MTA3: variants seen among roughly 807,000 people sequenced by gnomAD.
The protein encoded by MTA3 is metastasis associated 1 family member 3.
Under a neutral mutation model 83.5 loss-of-function variants are expected in MTA3, and 34 were observed. That is an observed-to-expected ratio of 0.41 (90% CI 0.31 to 0.54). The LOEUF is 0.54. Ranked by LOEUF, MTA3 falls within the 20% of genes least tolerant of loss-of-function variation. The probability of loss-of-function intolerance (pLI) is 0.33; values close to 1 mark genes in which losing one functional copy is unlikely to be tolerated. For synonymous variants in MTA3, 303 were observed against 252.7 expected (o/e 1.20, Z -1.89); for missense variants, 761 against 726.4 (o/e 1.05, Z -0.55).
intron 6 of MTA3, among the ~76,000 whole-genome samples, chr2:42,655,440 G>A (rs1253212627): frequency 6.6e-6 from 1 of 152,150 alleles, no homozygotes; most frequent in Non-Finnish European, 1.5e-5. Context: ...GTTCTTAGCA[G>A]AAGTGCCATC....
intron 4 of MTA3, among the ~76,000 whole-genome samples, chr2:42,625,946 CTTT>C (rs540658051): frequency 7.8e-6 from 1 of 128,992 alleles, no homozygotes; most frequent in Non-Finnish European, 1.7e-5. Flanking sequence ...TTTTTTTTTT[CTTT>C]TTTTTTTTTT....
intron 12 of MTA3, among the ~76,000 whole-genome samples, chr2:42,705,755 C>A (rs1021951197): frequency 6.6e-6 from 1 of 152,044 alleles, no homozygotes; most frequent in Non-Finnish European, 1.5e-5. Context: ...TTCACACTCA[C>A]GTATATCCCC....
intron 5 of MTA3, among the ~76,000 whole-genome samples, chr2:42,643,044 C>CA (rs1263906966): frequency 7.0e-6 from 1 of 143,532 alleles, no homozygotes; most frequent in East Asian, 2.2e-4. Context: ...TCCCCCCCCC[C>CA]CCTTTTTTTT....
At chr2:42,500,941 G>A (rs543105777) in intron 2 of MTA3, among the ~76,000 whole-genome samples, 1 of 151,830 alleles carries the variant, frequency 6.6e-6, no homozygotes, top group African/African-American at 2.4e-5. Flanking sequence ...CTCCCGAGTA[G>A]CTGGGACTGC....
intron 16 of MTA3, among the ~76,000 whole-genome samples, chr2:42,735,454 T>G (rs1234856826): frequency 2.0e-5 from 3 of 152,176 alleles, no homozygotes; most frequent in Non-Finnish European, 4.4e-5. Context: ...CTTCTTTGGG[T>G]TAAATGTGCT....
At chr2:42,730,872 C>A (rs764884713) in intron 16 of MTA3, among the ~76,000 whole-genome samples, 1 of 151,924 alleles carries the variant, frequency 6.6e-6, no homozygotes, top group Non-Finnish European at 1.5e-5. Flanking sequence ...TTATTATGGC[C>A]TTGATCTCAT....
At chr2:42,523,751 A>G (rs1675538342) in intron 2 of MTA3, among the ~76,000 whole-genome samples, 1 of 151,936 alleles carries the variant, frequency 6.6e-6, no homozygotes, top group East Asian at 1.9e-4. Flanking sequence ...CTTCTCTAAC[A>G]AAACAAAAAC....
chr2:42,521,788 T>G (rs1386041907), intron 2 of MTA3, among the ~76,000 whole-genome samples: 1 of 132,638 alleles, frequency 7.5e-6, no homozygotes, highest in African/African-American at 2.9e-5. Flanking sequence ...AGAGTCTCAC[T>G]CTGTTGCCCA....
intron 7 of MTA3, among the ~76,000 whole-genome samples, chr2:42,657,059 GGTATATATA>G (rs1294474585): frequency 6.6e-6 from 1 of 151,724 alleles, no homozygotes. Context: ...ACATTAAATG[GGTATATATA>G]GTATATATGA....
Position 42,754,310 on chromosome 2 carries a change from G to C in MTA3, c.*911G>C. ...ATTTTAAGCAGACAGACTCTGTTTG[G>C]CCTAGAGGTGTGGAGTGAGAGAACT... On this transcript the variant is annotated 3_prime_UTR_variant, in exon 17 of 17. Coordinates refer to ENST00000405094, the MANE Select transcript of MTA3 (RefSeq NM_001330442.2). The C allele has an allele frequency of 4.1e-6, 4 of 985,450 alleles. No homozygotes were observed. Among genetic ancestry groups the C allele is most frequent in the Non-Finnish European group, 4.8e-6 (4 of 829,954 alleles). 61.0% of individuals were successfully genotyped at this position (985,450 alleles called of 1,614,324 possible).
intron 2 of MTA3, among the ~76,000 whole-genome samples, chr2:42,573,095 T>A (rs569117499): frequency 6.6e-6 from 1 of 152,178 alleles, no homozygotes; most frequent in South Asian, 2.1e-4. Flanking sequence ...AATGATGTTT[T>A]GTTTTCCTCC....
At chr2:42,689,954 C>CTT (rs58306447) in intron 9 of MTA3, among the ~76,000 whole-genome samples, 3 of 144,922 alleles carry the variant, frequency 2.1e-5, no homozygotes, top group African/African-American at 5.0e-5. Context: ...GACTTAATTG[C>CTT]TTTTTTTTTT....
chr2:42,561,884 T>C (rs1677691875), intron 2 of MTA3, among the ~76,000 whole-genome samples: 3 of 152,216 alleles, frequency 2.0e-5, no homozygotes, highest in African/African-American at 7.2e-5. Context: ...GTGGATACCA[T>C]CTGTAGGAGT....
rs749695829 is a variant in MTA3, at chr2:42,609,611, C to T, written c.317+27C>T. ...TAAGAACTTTTTAGGAACTAAGGTA[C>T]TCAGTACTACGGTGACCAAAAAACA... On this transcript the variant is annotated intron_variant, in intron 4 of 16. Coordinates refer to ENST00000405094, the MANE Select transcript of MTA3 (RefSeq NM_001330442.2). 6 of 1,610,500 alleles carry T rather than the reference C, an allele frequency of 3.7e-6. No homozygotes were observed. The Admixed American group carries it at 1.0e-4, about 27-fold the overall frequency.
At chr2:42,604,065 G>T (rs1573198439) in intron 3 of MTA3, among the ~76,000 whole-genome samples, 1 of 151,218 alleles carries the variant, frequency 6.6e-6, no homozygotes, top group East Asian at 2.0e-4. Flanking sequence ...TTTTGAAACA[G>T]AGTTTTGCTC....
intron 2 of MTA3, among the ~76,000 whole-genome samples, chr2:42,504,252 G>C (rs1177957413): frequency 6.7e-6 from 1 of 149,374 alleles, no homozygotes; most frequent in East Asian, 2.0e-4. Flanking sequence ...ATTTTTTTTT[G>C]AGTCTATCAA....
chr2:42,606,634 G>A (rs1285806265), intron 3 of MTA3, among the ~76,000 whole-genome samples: 31 of 143,878 alleles, frequency 2.2e-4, no homozygotes, highest in African/African-American at 3.7e-4. Flanking sequence ...CATCCCAGAC[G>A]ATGGGCGGCC....
chr2:42,723,106 AT>A (rs1667547649), intron 16 of MTA3, 71 bp downstream of exon 16: 1 of 1,444,178 alleles, frequency 6.9e-7, no homozygotes, highest in African/African-American at 1.4e-5. Context: ...TGTCTGCCAC[AT>A]CCAAAAATAT....
At chr2:42,742,956 AC>A (rs1397707671) in intron 16 of MTA3, among the ~76,000 whole-genome samples, 1 of 152,166 alleles carries the variant, frequency 6.6e-6, no homozygotes, top group African/African-American at 2.4e-5. Flanking sequence ...AAGAGGAACT[AC>A]CCTTGGATTA....
Sources: gnomAD v4.1 joint callset for allele counts (sites outside exome capture counted in the v4.1 genomes callset) on GRCh38, gnomAD v4.1.1 for gene constraint, MANE v1.5 for transcripts, NCBI Gene and HGNC (gene_info 2026-07-23, HGNC 2026-07-21) for gene names.